The following TMTC3 variants were observed in gnomAD, a reference collection of about 807,000 sequenced individuals.
TMTC3 encodes protein O-mannosyl-transferase TMTC3.
TMTC3 carries 52 observed loss-of-function variants against 92.2 expected under a neutral mutation model. That is an observed-to-expected ratio of 0.56 (90% CI 0.45 to 0.71). TMTC3 has a LOEUF of 0.71. TMTC3 is among the 30% of genes least tolerant of loss of function. The probability of loss-of-function intolerance (pLI) is 0.00; values close to 1 mark genes in which losing one functional copy is unlikely to be tolerated. For missense variants in TMTC3, 896 were observed against 1,057.1 expected (o/e 0.85, Z 2.11); for synonymous variants, 339 against 363.3 (o/e 0.93, Z 0.76).
At position 88,142,465 on chromosome 12, in the gene TMTC3, TC is replaced by T; in HGVS notation, c.-47del. On this transcript the variant is annotated 5_prime_UTR_variant, in exon 1 of 14. Transcript: ENST00000266712. ...CTCTTCCTGAGGTTTTCCTAAGCCA[TC>T]CCCTGGCGGAACCGCCCCCAGGTGA... 6.5e-6 allele frequency: 1 copy of T among 152,958 alleles called. No homozygotes were observed. Among genetic ancestry groups the T allele is most frequent in the Non-Finnish European group, 1.5e-5 (1 of 68,612 alleles). The allele number at this position is 152,958 out of a possible 1,614,324, so 9.5% of individuals were successfully genotyped here. A position where few individuals can be genotyped will look rare whatever the true frequency, so the allele number is the denominator to read the frequency against.
chr12:88,183,647 C>T (rs1052271331), intron 10 of TMTC3, among the ~76,000 whole-genome samples: 3 of 152,116 alleles, frequency 2.0e-5, no homozygotes, highest in African/African-American at 7.2e-5. Flanking sequence ...GCAGCCCTAA[C>T]TAAGGGCCAT....
At chr12:88,155,289 C>G (rs1283506706) in intron 4 of TMTC3, among the ~76,000 whole-genome samples, 2 of 152,192 alleles carry the variant, frequency 1.3e-5, no homozygotes, top group African/African-American at 2.4e-5. Context: ...CTTAACATTT[C>G]TTTATCTGTT....
chr12:88,163,510 A>G (rs2041104398), intron 6 of TMTC3, among the ~76,000 whole-genome samples: 1 of 152,210 alleles, frequency 6.6e-6, no homozygotes, highest in African/African-American at 2.4e-5. Flanking sequence ...TCACAGTTCA[A>G]GAGGCCAGAA....
chr12:88,142,915 G>T (rs918929389), intron 1 of TMTC3, among the ~76,000 whole-genome samples: 1 of 152,116 alleles, frequency 6.6e-6, no homozygotes, highest in Non-Finnish European at 1.5e-5. Context: ...ACTGCCGGGG[G>T]TGGAGAGAGA....
intron 10 of TMTC3, among the ~76,000 whole-genome samples, chr12:88,188,109 GTTAA>G (rs1357569013): frequency 6.6e-6 from 1 of 151,954 alleles, no homozygotes; most frequent in African/African-American, 2.4e-5. Flanking sequence ...ATTTTAAGGA[GTTAA>G]TTATCATTTA....
chr12:88,162,786 C>CG (rs1224332839), intron 6 of TMTC3, among the ~76,000 whole-genome samples: 5 of 151,980 alleles, frequency 3.3e-5, no homozygotes, highest in African/African-American at 1.2e-4. Context: ...CTTTGCATGT[C>CG]GGGAAATTGT....
At chr12:88,149,331 T>G (rs990945362) in intron 2 of TMTC3, among the ~76,000 whole-genome samples, 1 of 152,184 alleles carries the variant, frequency 6.6e-6, no homozygotes, top group Non-Finnish European at 1.5e-5. Flanking sequence ...GGATTCTAAT[T>G]TTAGTTATGT....
chr12:88,173,202 C>A, intron 8 of TMTC3: 2 of 740,464 alleles, frequency 2.7e-6, no homozygotes, highest in Non-Finnish European at 3.7e-6. Flanking sequence ...CTCAAACTAA[C>A]AGTTAAGGAA....
chr12:88,159,285 T>C (rs2041048068), intron 4 of TMTC3, among the ~76,000 whole-genome samples: 1 of 152,194 alleles, frequency 6.6e-6, no homozygotes, highest in African/African-American at 2.4e-5. Context: ...TGATGAAGTA[T>C]GTTTTTCATT....
chr12:88,186,747 T>C (rs1428481290), intron 10 of TMTC3, among the ~76,000 whole-genome samples: 9 of 152,180 alleles, frequency 5.9e-5, no homozygotes, highest in Admixed American at 5.9e-4. Flanking sequence ...TTGTAAATTA[T>C]AAAGAATTGC....
At chr12:88,189,875 A>C (rs2041423293) in intron 11 of TMTC3, among the ~76,000 whole-genome samples, 1 of 152,102 alleles carries the variant, frequency 6.6e-6, no homozygotes, top group African/African-American at 2.4e-5. Context: ...TATGATAAAA[A>C]CCAATAACAA....
chr12:88,181,235 C>G (rs935556645), intron 10 of TMTC3, among the ~76,000 whole-genome samples: 1 of 152,072 alleles, frequency 6.6e-6, no homozygotes, highest in African/African-American at 2.4e-5. Flanking sequence ...AGCATGTGTG[C>G]TAATTAGGTG....
intron 6 of TMTC3, among the ~76,000 whole-genome samples, chr12:88,165,458 AATG>A (rs1228352169): frequency 2.0e-5 from 3 of 152,086 alleles, no homozygotes; most frequent in African/African-American, 4.8e-5. Flanking sequence ...AAAATTTTGA[AATG>A]ATATTATTTG....
intron 4 of TMTC3, among the ~76,000 whole-genome samples, chr12:88,159,143 T>A (rs1464779761): frequency 5.3e-5 from 8 of 150,994 alleles, no homozygotes; most frequent in Admixed American, 5.3e-4. Context: ...AGAAAAGAAT[T>A]AGAGATTATA....
At chr12:88,175,554 C>T (rs2041250395) in intron 9 of TMTC3, among the ~76,000 whole-genome samples, 1 of 152,176 alleles carries the variant, frequency 6.6e-6, no homozygotes, top group East Asian at 1.9e-4. Context: ...TCTCTCCCAA[C>T]TCAGAAGTCT....
chr12:88,179,103 A>G (rs2041289614), intron 10 of TMTC3, among the ~76,000 whole-genome samples: 1 of 152,204 alleles, frequency 6.6e-6, no homozygotes, highest in South Asian at 2.1e-4. Flanking sequence ...ATCATAAGCC[A>G]TGAGATAGGA....
chr12:88,194,500 C>T (rs918706031), intron 13 of TMTC3, among the ~76,000 whole-genome samples: 1 of 152,138 alleles, frequency 6.6e-6, no homozygotes, highest in African/African-American at 2.4e-5. Flanking sequence ...AGATTGAATA[C>T]ATGTCTTTGT....
At position 88,199,238 on chromosome 12, in the gene TMTC3, A is replaced by G. The variant is rs1405576893; in HGVS notation, c.*3589A>G. On this transcript the variant is annotated 3_prime_UTR_variant, in exon 14 of 14. Transcript: ENST00000266712. ...AGACTTGGAATTTTATACGAATTTCATTTCTATATGTGCCTGGTATTGCCT... is the reference window on the plus strand; with the variant it reads ...AGACTTGGAATTTTATACGAATTTCGTTTCTATATGTGCCTGGTATTGCCT... 1 of 152,070 alleles carries G rather than the reference A, an allele frequency of 6.6e-6. No individual in the cohort carries two copies. Among genetic ancestry groups the G allele is most frequent in the African/African-American group, 2.4e-5 (1 of 41,442 alleles). 9.4% of individuals were successfully genotyped at this position (152,070 alleles called of 1,614,324 possible).
intron 10 of TMTC3, 62 bp from the exon 11 acceptor site, chr12:88,188,777 TTTCA>T: frequency 1.3e-6 from 1 of 749,456 alleles, no homozygotes; most frequent in South Asian, 1.9e-5. Context: ...CATTTAATCA[TTTCA>T]TTGAGTATAT....
Sources: allele counts gnomAD v4.1 joint callset (sites outside exome capture counted in the v4.1 genomes callset), GRCh38; gene constraint gnomAD v4.1.1; transcripts MANE v1.5; gene names NCBI Gene and HGNC (gene_info 2026-07-23, HGNC 2026-07-21).